GNAS: variants seen among roughly 807,000 people sequenced by gnomAD.
The protein encoded by GNAS is protein ALEX.
In GNAS, 8 loss-of-function variants were observed where a neutral mutation model predicts 54.5. The observed-to-expected ratio is 0.15, with a 90% confidence interval of 0.09 to 0.26. GNAS has a LOEUF of 0.26. Among genes scored for constraint, GNAS ranks in the 10% least tolerant of loss-of-function variants. The pLI is 1.00. For synonymous variants in GNAS, 204 were observed against 191.4 expected (o/e 1.07, Z -0.54); for missense variants, 170 against 529.8 (o/e 0.32, Z 6.67).
chr20:58,847,322 C>T (rs1171957061), intron 1 of GNAS, among the ~76,000 whole-genome samples: 1 of 152,236 alleles, frequency 6.6e-6, no homozygotes, highest in African/African-American at 2.4e-5. Context: ...CTTTAGCTGG[C>T]ATTTGCTTCA....
chr20:58,891,446 G>A lies in GNAS; in HGVS notation c.-281G>A, dbSNP rs2089292050. The A allele has an allele frequency of 5.0e-6, 3 of 595,982 alleles. No homozygotes were observed. The highest frequency in any genetic ancestry group is 6.9e-5 in the South Asian group (1 of 14,480). 36.9% of individuals were successfully genotyped at this position (595,982 alleles called of 1,614,324 possible). A position where few individuals can be genotyped will look rare whatever the true frequency, so the allele number is the denominator to read the frequency against. On this transcript the variant is annotated 5_prime_UTR_variant, in exon 1 of 13. Coordinates refer to ENST00000371085, the MANE Select transcript of GNAS (RefSeq NM_000516.7). ...AGCAGCTCCCGCAGCTCCTGCTCTG[G>A]TCCGCCTCGGCCCGGCGGCGGCCAT...
Position 58,853,116 on chromosome 20 carries a change from C to G in GNAS, c.43+12230C>G. 7.0e-7 allele frequency: 1 copy of G among 1,427,130 alleles called. No individual in the cohort carries two copies. The highest frequency in any genetic ancestry group is 1.6e-5 in the South Asian group (1 of 63,666). 88.4% of individuals were successfully genotyped at this position (1,427,130 alleles called of 1,614,324 possible). A position where few individuals can be genotyped will look rare whatever the true frequency, so the allele number is the denominator to read the frequency against. ...GGTTCCTTCCAGGCCTTGAACCCCC[C>G]AACCTCACAAGGGTTGGAAAGTGAG... On this transcript the variant is annotated intron_variant, in intron 1 of 12. Transcript: ENST00000306090. The surrounding 1 kb of genome is among the most constrained non-coding windows in gnomAD (Gnocchi z 4.4).
In GNAS at chr20:58,901,612, C is replaced by G. The variant is rs567617992; in HGVS notation, c.258-1919C>G. ...TAATGAGCGTGGCCCCTCTGAACTT[C>G]CCCAGCTCTTCACCCAATGTAGAAG... On this transcript the variant is annotated intron_variant, in intron 3 of 12. Coordinates refer to ENST00000371085, the MANE Select transcript of GNAS (RefSeq NM_000516.7). Among the ~76,000 whole-genome samples the G allele has an allele frequency of 2.1e-5, 3 of 146,068 alleles. No homozygotes were observed. The East Asian group carries it at 6.6e-4, about 32-fold the overall frequency.
Position 58,891,706 on chromosome 20 carries a change from C to CCCG in GNAS, c.-3_-1dup, listed in dbSNP as rs745433225. On this transcript the variant is annotated 5_prime_UTR_variant, in exon 1 of 13. Transcript: ENST00000371085. ...CGCCGCCGCCGCAGCCCGGCCGCGCCCCGCCGCCGCCGCCGCCGCCATGGG... is the reference window on the plus strand; with the variant it reads ...CGCCGCCGCCGCAGCCCGGCCGCGCCCCGCCGCCGCCGCCGCCGCCGCCATGGG... 1,468 of 1,062,798 alleles carry CCCG rather than the reference C, an allele frequency of 1.4e-3. 3 individuals carry two copies. Among genetic ancestry groups the CCCG allele is most frequent in the South Asian group, 7.7e-3 (290 of 37,592 alleles). 65.8% of individuals were successfully genotyped at this position (1,062,798 alleles called of 1,614,324 possible). A position where few individuals can be genotyped will look rare whatever the true frequency, so the allele number is the denominator to read the frequency against.
In GNAS at chr20:58,842,000, C is replaced by T; in HGVS notation, c.43+1114C>T. The T allele has an allele frequency of 3.3e-6, 3 of 901,032 alleles. No individual in the cohort carries two copies. Among genetic ancestry groups the T allele is most frequent in the Non-Finnish European group, 4.4e-6 (3 of 685,534 alleles). 55.8% of individuals were successfully genotyped at this position (901,032 alleles called of 1,614,324 possible). On this transcript the variant is annotated intron_variant, in intron 1 of 12. Coordinates refer to the GNAS transcript ENST00000306090. The surrounding 1 kb of genome is among the most constrained non-coding windows in gnomAD (Gnocchi z 5.0). ...GAAAGGTGTTGGATCCGGCGCCAGT[C>T]CTTGGACGATCAGTCGTCGAAAAGG...
intron 1 of GNAS, among the ~76,000 whole-genome samples, chr20:58,859,014 T>A (rs1160493331): frequency 2.0e-5 from 3 of 152,126 alleles, no homozygotes; most frequent in Non-Finnish European, 2.9e-5. Context: ...TCAAAAAAAA[T>A]TTTCCCATAT....
At chr20:58,903,905 A>G in intron 5 of GNAS, 114 bp downstream of exon 5, 1 of 1,038,746 alleles carries the variant, frequency 9.6e-7, no homozygotes, top group Non-Finnish European at 1.5e-6. Context: ...ACCACACTTC[A>G]GGCAAAACTA....
At chr20:58,850,478 T>C (rs939325525) in intron 1 of GNAS, 2 of 398,068 alleles carry the variant, frequency 5.0e-6, no homozygotes, top group Non-Finnish European at 8.8e-6. Context: ...AACAACCCCT[T>C]TGGAGCACCC....
Position 58,885,939 on chromosome 20 carries a change from T to A in GNAS, c.44-9673T>A, listed in dbSNP as rs568682727. Among the ~76,000 whole-genome samples the A allele has an allele frequency of 6.6e-5, 10 of 152,358 alleles. No homozygotes were observed. The East Asian group carries it at 1.9e-3, about 29-fold the overall frequency. On this transcript the variant is annotated intron_variant, in intron 1 of 12. Transcript: ENST00000306090. ...GTTTCCTAGGCTATTAAAATAATAT[T>A]ATAATTACATTTGCTCTGGGCTCTT...
intron 6 of GNAS, among the ~76,000 whole-genome samples, chr20:58,908,075 C>A (rs1014416783): frequency 2.0e-5 from 3 of 152,190 alleles, no homozygotes; most frequent in African/African-American, 7.2e-5. Flanking sequence ...AGTATATCCT[C>A]TAAGCCAGAC....
At chr20:58,890,108 G>A (rs2089000682), upstream of GNAS, among the ~76,000 whole-genome samples, 1 of 151,826 alleles carries the variant, frequency 6.6e-6, no homozygotes, top group East Asian at 1.9e-4. Flanking sequence ...CAGACAAGGA[G>A]CGCAAGAAGC....
intron 1 of GNAS, chr20:58,843,380 C>T (rs1312672806): frequency 6.6e-6 from 1 of 152,154 alleles, no homozygotes; most frequent in African/African-American, 2.4e-5. Context: ...CTTCGCAAAC[C>T]TTCTCTCTGC....
chr20:58,851,555 A>C (rs2086175650), intron 1 of GNAS, among the ~76,000 whole-genome samples: 1 of 152,054 alleles, frequency 6.6e-6, no homozygotes, highest in Non-Finnish European at 1.5e-5. Context: ...TGACCCCCTT[A>C]CAGCAGCTTT....
chr20:58,892,103 C>T (rs1456130886), intron 1 of GNAS: 6 of 966,616 alleles, frequency 6.2e-6, no homozygotes, highest in East Asian at 1.2e-4. Context: ...GGTCCCCCTC[C>T]CCCGGCCTGC....
chr20:58,905,298 A>G, intron 5 of GNAS, 85 bp from the exon 6 acceptor site: 1 of 816,586 alleles, frequency 1.2e-6, no homozygotes, highest in East Asian at 2.4e-5. Context: ...CACATAGGGA[A>G]CTCTGGTCTC....
In GNAS at chr20:58,853,808, C is replaced by T. The variant is rs752434296; in HGVS notation, c.43+12922C>T. The stretch of plus-strand genomic sequence containing the variant: ...GCTGCAGTCAACTTCTCTTACAGGT[C>T]CCAGACCTTGCTCCAGGAGGCCCAG... On this transcript the variant is annotated intron_variant, in intron 1 of 12. Transcript: ENST00000306090. The surrounding 1 kb of genome is among the most constrained non-coding windows in gnomAD (Gnocchi z 4.4). The T allele has an allele frequency of 6.2e-7, 1 of 1,607,018 alleles. No individual in the cohort carries two copies. The highest frequency in any genetic ancestry group is 8.5e-7 in the Non-Finnish European group (1 of 1,177,118).
chr20:58,874,348 T>C (rs2087652983), intron 1 of GNAS, among the ~76,000 whole-genome samples: 1 of 152,248 alleles, frequency 6.6e-6, no homozygotes, highest in Non-Finnish European at 1.5e-5. Flanking sequence ...GGAGCCAAAC[T>C]ATGCCTTCCA....
chr20:58,895,781 C>T, intron 2 of GNAS, 97 bp downstream of exon 2: 4 of 776,934 alleles, frequency 5.1e-6, no homozygotes, highest in Non-Finnish European at 9.2e-6. Context: ...GCTGGGCAGC[C>T]AGTTTTCACT....
At chr20:58,871,610 G>A (rs1425314181) in intron 1 of GNAS, among the ~76,000 whole-genome samples, 14 of 99,328 alleles carry the variant, frequency 1.4e-4, no homozygotes, top group African/African-American at 4.4e-4. Flanking sequence ...ATGATACTCC[G>A]TCGAAAAAAA....
Sources: gnomAD v4.1 joint callset for allele counts (sites outside exome capture counted in the v4.1 genomes callset) on GRCh38, gnomAD v4.1.1 for gene constraint, Gnocchi (gnomAD v3.1) non-coding constraint, MANE v1.5 for transcripts, NCBI Gene and HGNC (gene_info 2026-07-23, HGNC 2026-07-21) for gene names.